FECH: variants seen among roughly 807,000 people sequenced by gnomAD.
FECH encodes ferrochelatase, mitochondrial.
In FECH, 40 loss-of-function variants were observed where a neutral mutation model predicts 56.9. The ratio of observed to expected loss-of-function variants is 0.70; its 90% CI spans 0.55 to 0.92. FECH has a LOEUF of 0.92. FECH is among the 40% of genes least tolerant of loss of function. The pLI, the probability that FECH is intolerant of heterozygous loss-of-function variation, is 0.00. For missense variants in FECH, 431 were observed against 529.1 expected, an observed-to-expected ratio of 0.81 and a Z score of 1.82; for synonymous variants, 175 against 198.6, an observed-to-expected ratio of 0.88 and a Z score of 1.00.
At chr18:57,583,353 C>T (rs1160380096) in intron 1 of FECH, among the ~76,000 whole-genome samples, 1 of 152,166 alleles carries the variant, frequency 6.6e-6, no homozygotes, top group Non-Finnish European at 1.5e-5. Flanking sequence ...AGTACGTGTT[C>T]GGAAACCAGA....
chr18:57,576,080 G>C (rs931794077), intron 2 of FECH, among the ~76,000 whole-genome samples: 1 of 152,140 alleles, frequency 6.6e-6, no homozygotes, highest in Non-Finnish European at 1.5e-5. Context: ...GGACGGCCCT[G>C]TGCAATGCAG....
chr18:57,557,751 C>T (rs559147960), intron 7 of FECH, among the ~76,000 whole-genome samples: 9 of 152,158 alleles, frequency 5.9e-5, no homozygotes, highest in Middle Eastern at 3.4e-3. Flanking sequence ...GAGCTGTGAT[C>T]GCATCACTGC....
At chr18:57,585,562 CCTCATTG>C (rs1346771872) in intron 1 of FECH, among the ~76,000 whole-genome samples, 3 of 152,208 alleles carry the variant, frequency 2.0e-5, no homozygotes, top group African/African-American at 7.2e-5. Flanking sequence ...AGTGAGCTAG[CCTCATTG>C]TACACTGGGT....
chr18:57,570,723 T>C (rs140325912), intron 4 of FECH, among the ~76,000 whole-genome samples: 10 of 152,370 alleles, frequency 6.6e-5, no homozygotes, highest in African/African-American at 2.4e-4. Flanking sequence ...CTTAGTATTA[T>C]ACAAAAACAG....
chr18:57,553,500 A>T (rs941940473), intron 9 of FECH, among the ~76,000 whole-genome samples: 1 of 152,154 alleles, frequency 6.6e-6, no homozygotes, highest in Non-Finnish European at 1.5e-5. Flanking sequence ...TCTGGCAGAG[A>T]GGGAGGAAAG....
chr18:57,563,350 G>C (rs1381759751), intron 5 of FECH, among the ~76,000 whole-genome samples: 1 of 152,124 alleles, frequency 6.6e-6, no homozygotes, highest in Non-Finnish European at 1.5e-5. Context: ...GGGAGGCCAA[G>C]GCTGGTGGAT....
chr18:57,554,949 C>T lies in FECH; in HGVS notation c.808G>A (p.Val270Ile). 5 of 1,613,446 alleles carry T rather than the reference C, an allele frequency of 3.1e-6. No individual in the cohort carries two copies. Among genetic ancestry groups the T allele is most frequent in the Non-Finnish European group, 4.2e-6 (5 of 1,179,400 alleles). The change falls in exon 8 of 11, where the codon GTC (valine) becomes ATC (isoleucine). Residue 270 changes from valine (V) to isoleucine (I), a missense_variant. By Grantham distance (29) the Val-to-Ile change is conservative. Coordinates refer to ENST00000262093, the MANE Select transcript of FECH (RefSeq NM_000140.5). ...FSAHSLPMSV[V>I]NRGDPYPQEV... ...TGAGGATATGGGTCGCCTCTGTTGA[C>T]CACCTGCAGCAGAGACACAATGGGT...
At chr18:57,556,642 G>A (rs908706602) in intron 7 of FECH, among the ~76,000 whole-genome samples, 7 of 152,082 alleles carry the variant, frequency 4.6e-5, no homozygotes, top group African/African-American at 9.7e-5. Flanking sequence ...GGGGCGTGGC[G>A]CCTCACACCT....
intron 7 of FECH, among the ~76,000 whole-genome samples, chr18:57,558,749 G>A (rs1194683683): frequency 1.3e-5 from 2 of 152,058 alleles, no homozygotes; most frequent in Non-Finnish European, 2.9e-5. Flanking sequence ...GTGAAACCCA[G>A]TCTCTACTAA....
intron 8 of FECH, 106 bp downstream of exon 8, chr18:57,554,739 T>C: frequency 2.2e-6 from 2 of 913,284 alleles, no homozygotes; most frequent in Non-Finnish European, 3.6e-6. Context: ...AATCAGGTTA[T>C]GGAAGAGCCT....
In FECH at chr18:57,544,674, T is replaced by C. The variant is rs554409347; in HGVS notation, c.*6038A>G. 2.0e-5 allele frequency among the ~76,000 whole-genome samples: 3 copies of C among 152,378 alleles called. No individual in the cohort carries two copies. The highest frequency in any genetic ancestry group is 7.2e-5 in the African/African-American group (3 of 41,584). ...TACTTCACTTGGATAAGTTGAATAA[T>C]AGTTTTCAAATAATGGAAGACTATT... On this transcript the variant is annotated 3_prime_UTR_variant, in exon 11 of 11. Coordinates refer to ENST00000262093, the MANE Select transcript of FECH (RefSeq NM_000140.5).
chr18:57,552,399 T>A (rs1458716800), intron 9 of FECH, among the ~76,000 whole-genome samples: 1 of 151,778 alleles, frequency 6.6e-6, no homozygotes, highest in Non-Finnish European at 1.5e-5. Context: ...TTATTTTATT[T>A]ATTTATTTAT....
chr18:57,556,766 C>T (rs1254471752), intron 7 of FECH, among the ~76,000 whole-genome samples: 3 of 151,738 alleles, frequency 2.0e-5, no homozygotes, highest in Non-Finnish European at 4.4e-5. Flanking sequence ...CAAATATTAG[C>T]TGGGTGTGGT....
chr18:57,579,301 G>GTATATA (rs1199365518), intron 2 of FECH, among the ~76,000 whole-genome samples: 2 of 137,070 alleles, frequency 1.5e-5, no homozygotes, highest in African/African-American at 5.8e-5. Context: ...GTGTGTGTGT[G>GTATATA]TGTGTGTGTG....
rs1203376824 is a variant in FECH, at chr18:57,544,890, A to G, written c.*5822T>C. Among the ~76,000 whole-genome samples the G allele has an allele frequency of 1.3e-5, 2 of 152,250 alleles. No individual in the cohort carries two copies. Among genetic ancestry groups the G allele is most frequent in the Admixed American group, 6.5e-5 (1 of 15,286 alleles). On this transcript the variant is annotated 3_prime_UTR_variant, in exon 11 of 11. Coordinates refer to ENST00000262093, the MANE Select transcript of FECH (RefSeq NM_000140.5). ...TTTAATATAACTTAATTTGAAAGAT[A>G]TTATTTTAATGATTAACTTGAAATT...
chr18:57,582,334 T>G (rs151194286), intron 1 of FECH, among the ~76,000 whole-genome samples: 2 of 151,788 alleles, frequency 1.3e-5, no homozygotes, highest in Non-Finnish European at 2.9e-5. Context: ...ATTTTCAGAT[T>G]TGGAATGCTC....
chr18:57,571,355 A>T (rs745737113), intron 4 of FECH, 37 bp downstream of exon 4: 9 of 1,604,752 alleles, frequency 5.6e-6, no homozygotes, highest in Non-Finnish European at 6.8e-6. Context: ...CTTCGAAAGA[A>T]CTAATCTAGT....
chr18:57,576,023 A>G (rs1245824828), intron 2 of FECH, among the ~76,000 whole-genome samples: 2 of 152,100 alleles, frequency 1.3e-5, no homozygotes, highest in African/African-American at 2.4e-5. Context: ...GGGTTTTTCA[A>G]CCTCAGCACT....
chr18:57,574,598 G>A lies in FECH; in HGVS notation c.195-1233C>T, dbSNP rs143268359. On this transcript the variant is annotated intron_variant, in intron 2 of 10. Transcript: ENST00000262093. ...AAACCTAAAATCCAGATCAAGCTCCGGAGTCAACACAGCCCAAAGTGAGCC... is the reference window on the plus strand; with the variant it reads ...AAACCTAAAATCCAGATCAAGCTCCAGAGTCAACACAGCCCAAAGTGAGCC... Among the ~76,000 whole-genome samples the A allele has an allele frequency of 1.8e-3, 271 of 152,326 alleles. 1 individual carries two copies. The highest frequency in any genetic ancestry group is 6.1e-3 in the African/African-American group (255 of 41,566).
Sources: allele counts gnomAD v4.1 joint callset (sites outside exome capture counted in the v4.1 genomes callset), GRCh38; gene constraint gnomAD v4.1.1; transcripts MANE v1.5; gene names NCBI Gene and HGNC (gene_info 2026-07-23, HGNC 2026-07-21).